Variants in BBX observed in about 807,000 individuals in gnomAD.
BBX encodes HMG box transcription factor BBX.
BBX carries 30 observed loss-of-function variants against 100.2 expected under a neutral mutation model. The observed-to-expected ratio is 0.30, with a 90% CI of 0.22 to 0.41. BBX has a LOEUF of 0.41. Among genes scored for constraint, BBX ranks in the 10% least tolerant of loss-of-function variants. BBX has a pLI of 1.00. For synonymous variants in BBX, 376 were observed against 388.1 expected (o/e 0.97, Z 0.37); for missense variants, 1,023 against 1,129.8 (o/e 0.91, Z 1.35).
chr3:107,654,901 T>C (rs73850112), intron 3 of BBX, among the ~76,000 whole-genome samples: 1,774 of 152,318 alleles, frequency 0.012, 39 homozygotes, highest in African/African-American at 0.041. Flanking sequence ...CAACCCAGCA[T>C]ATGGCAGGCA....
chr3:107,540,213 A>G (rs1402819015), intron 2 of BBX, among the ~76,000 whole-genome samples: 1 of 152,216 alleles, frequency 6.6e-6, no homozygotes, highest in Admixed American at 6.5e-5. Context: ...GAAGCAGTAC[A>G]GCATATAGAG....
intron 12 of BBX, 71 bp downstream of exon 12, chr3:107,774,928 A>G: frequency 6.5e-7 from 1 of 1,548,366 alleles, no homozygotes; most frequent in Non-Finnish European, 8.7e-7. Context: ...CAAGGTAAAC[A>G]GATCACTAAC....
At chr3:107,528,910 G>T (rs536061893) in intron 2 of BBX, among the ~76,000 whole-genome samples, 1 of 152,096 alleles carries the variant, frequency 6.6e-6, no homozygotes, top group Non-Finnish European at 1.5e-5. Flanking sequence ...ATTTCATAAA[G>T]AACATGGGTA....
chr3:107,787,676 A>G (rs941184023), intron 13 of BBX, among the ~76,000 whole-genome samples: 1 of 152,214 alleles, frequency 6.6e-6, no homozygotes, highest in Admixed American at 6.5e-5. Context: ...ATCAGTTAAA[A>G]CAATAGGTTT....
chr3:107,620,814 C>T (rs1397326114), intron 2 of BBX, among the ~76,000 whole-genome samples: 3 of 151,856 alleles, frequency 2.0e-5, no homozygotes, highest in Non-Finnish European at 4.4e-5. Context: ...GGGCAGTGGT[C>T]AAAATCCTGC....
chr3:107,796,497 T>G (rs572474535), intron 15 of BBX, among the ~76,000 whole-genome samples: 47 of 152,326 alleles, frequency 3.1e-4, no homozygotes, highest in African/African-American at 1.1e-3. Flanking sequence ...ACTCCTGTAA[T>G]CAGAAGGGAC....
chr3:107,530,596 A>G (rs2048090637), intron 2 of BBX, among the ~76,000 whole-genome samples: 2 of 152,238 alleles, frequency 1.3e-5, no homozygotes. Flanking sequence ...CTTAAAAGGA[A>G]CATACAAGGT....
intron 17 of BBX, among the ~76,000 whole-genome samples, chr3:107,804,568 T>G (rs1461859805): frequency 6.6e-6 from 1 of 152,246 alleles, no homozygotes; most frequent in Non-Finnish European, 1.5e-5. Context: ...GTATTTTTAC[T>G]ACTAATTATA....
chr3:107,798,344 A>G (rs1310077365), intron 15 of BBX, among the ~76,000 whole-genome samples, 179 bp from the exon 16 acceptor site: 6 of 152,216 alleles, frequency 3.9e-5, no homozygotes, highest in Admixed American at 2.6e-4. Context: ...GCAAATATCA[A>G]TTGGTAGTAA....
At chr3:107,747,358 C>G (rs1333227527) in intron 8 of BBX, among the ~76,000 whole-genome samples, 1 of 152,078 alleles carries the variant, frequency 6.6e-6, no homozygotes, top group Non-Finnish European at 1.5e-5. Flanking sequence ...TCTTTTATGG[C>G]TTATTTTTTT....
intron 15 of BBX, among the ~76,000 whole-genome samples, chr3:107,796,219 T>C (rs2069647651): frequency 6.6e-6 from 1 of 152,250 alleles, no homozygotes; most frequent in Admixed American, 6.5e-5. Context: ...CCCCATGGTC[T>C]CTGTGTAAAA....
chr3:107,599,200 CT>C (rs2053884947), intron 2 of BBX: 1 of 152,154 alleles, frequency 6.6e-6, no homozygotes, highest in Non-Finnish European at 1.5e-5. Context: ...TTTATAAATC[CT>C]TGCTATTAGA....
At chr3:107,736,015 A>G (rs16853798) in intron 7 of BBX, among the ~76,000 whole-genome samples, 2,492 of 152,102 alleles carry the variant, frequency 0.016, 66 homozygotes, top group African/African-American at 0.057. Context: ...GTTTTTTTAT[A>G]CCCAGAGTAC....
At chr3:107,751,225 C>T (rs1272496134) in intron 9 of BBX, among the ~76,000 whole-genome samples, 1 of 152,156 alleles carries the variant, frequency 6.6e-6, no homozygotes, top group Non-Finnish European at 1.5e-5. Context: ...ATATCCCTGT[C>T]TCTTTTCAGA....
chr3:107,672,239 T>C (rs1226544707), intron 3 of BBX, among the ~76,000 whole-genome samples: 1 of 152,036 alleles, frequency 6.6e-6, no homozygotes, highest in Non-Finnish European at 1.5e-5. Context: ...TATATAACTG[T>C]TAGTGCAGGT....
rs148461492 is a variant in BBX at position 107,577,492 on chromosome 3, C to T, written c.-84+51094C>T. The stretch of plus-strand genomic sequence containing the variant: ...TGAGGCCTACTTTAAGGGTATATGA[C>T]TTGGGCAAGTTATTTAAACTTTCTA... On this transcript the variant is annotated intron_variant, in intron 2 of 17. Transcript: ENST00000325805. Among the ~76,000 whole-genome samples the T allele has an allele frequency of 1.8e-4, 28 of 152,244 alleles. No homozygotes were observed. In the East Asian group the frequency reaches 5.2e-3, roughly 28 times the overall value.
intron 2 of BBX, 85 bp downstream of exon 2, chr3:107,526,483 C>T (rs1228982157): frequency 3.8e-5 from 15 of 396,856 alleles, no homozygotes; most frequent in Non-Finnish European, 5.8e-5. Flanking sequence ...GAGGAAGATG[C>T]TTTATTGGGG....
intron 3 of BBX, among the ~76,000 whole-genome samples, chr3:107,668,681 T>C (rs556497642): frequency 6.6e-6 from 1 of 152,332 alleles, no homozygotes; most frequent in South Asian, 2.1e-4. Context: ...TCTTCAAAAT[T>C]AAAGCTCATG....
chr3:107,684,442 C>T (rs2059730874), intron 3 of BBX: 1 of 152,048 alleles, frequency 6.6e-6, no homozygotes, highest in Non-Finnish European at 1.5e-5. Context: ...CTGAATAACT[C>T]TCTAATAATG....
Sources: allele counts gnomAD v4.1 joint callset (sites outside exome capture counted in the v4.1 genomes callset), GRCh38; gene constraint gnomAD v4.1.1; transcripts MANE v1.5; gene names NCBI Gene and HGNC (gene_info 2026-07-23, HGNC 2026-07-21).